Variants in SCD5 observed in about 807,000 individuals in gnomAD.
SCD5 encodes acyl-CoA-desaturase 4.
Under a neutral mutation model 30.4 loss-of-function variants are expected in SCD5, and 20 were observed. That is an observed-to-expected ratio of 0.66 (90% confidence interval 0.46 to 0.96). SCD5 has a LOEUF of 0.96. Among genes scored for constraint, SCD5 ranks in the 40% least tolerant of loss-of-function variants. The pLI is 0.00. For synonymous variants in SCD5, 173 were observed against 176.4 expected, an observed-to-expected ratio of 0.98 and a Z score of 0.16; for missense variants, 381 against 443.3, an observed-to-expected ratio of 0.86 and a Z score of 1.26.
intron 2 of SCD5, among the ~76,000 whole-genome samples, chr4:82,693,242 C>G (rs142773661): frequency 7.2e-5 from 11 of 152,322 alleles, no homozygotes; most frequent in Non-Finnish European, 1.6e-4. Flanking sequence ...TGCCTTTGAC[C>G]TTGCCCAGCA....
At chr4:82,705,565 C>CT (rs1719952697) in intron 1 of SCD5, 152 bp from the exon 2 acceptor site, 2 of 1,097,442 alleles carry the variant, frequency 1.8e-6, no homozygotes, top group African/African-American at 3.2e-5. Flanking sequence ...AGGAGGCAGC[C>CT]TTTTTATTGA....
chr4:82,726,246 C>T (rs1416518677), intron 1 of SCD5, among the ~76,000 whole-genome samples: 13 of 151,912 alleles, frequency 8.6e-5, no homozygotes, highest in Admixed American at 8.5e-4. Flanking sequence ...GGAGAAACCC[C>T]ATCTCTACTA....
intron 1 of SCD5, among the ~76,000 whole-genome samples, chr4:82,719,116 G>C (rs1375363508): frequency 2.6e-5 from 4 of 151,700 alleles, no homozygotes; most frequent in Non-Finnish European, 5.9e-5. Context: ...ATTAAAAATA[G>C]GGAATTTCAA....
At chr4:82,747,346 G>C (rs549570554) in intron 1 of SCD5, among the ~76,000 whole-genome samples, 14 of 152,316 alleles carry the variant, frequency 9.2e-5, no homozygotes, top group African/African-American at 3.1e-4. Context: ...GCCTGCCTGA[G>C]TCTCACAGTT....
At chr4:82,653,707 T>TAGATAGATAGATAGATAGAGAGATATAG (rs34976357) in intron 3 of SCD5, among the ~76,000 whole-genome samples, 1 of 61,630 alleles carries the variant, frequency 1.6e-5, no homozygotes, top group South Asian at 5.1e-4. Flanking sequence ...GATAGATAGA[T>TAGATAGATAGATAGATAGAGAGATATAG]ATAGATAGAT....
At chr4:82,786,137 A>G (rs1430531507) in intron 1 of SCD5, among the ~76,000 whole-genome samples, 1 of 152,202 alleles carries the variant, frequency 6.6e-6, no homozygotes, top group Admixed American at 6.5e-5. Flanking sequence ...TACTGGGGGA[A>G]ATTACAGCTG....
intron 3 of SCD5, among the ~76,000 whole-genome samples, chr4:82,678,576 G>T (rs921184044): frequency 6.6e-6 from 1 of 152,166 alleles, no homozygotes; most frequent in African/African-American, 2.4e-5. Context: ...AATTGGAAAT[G>T]ACATACATAG....
intron 3 of SCD5, among the ~76,000 whole-genome samples, chr4:82,679,156 G>A (rs1457231123): frequency 2.0e-5 from 3 of 147,780 alleles, no homozygotes; most frequent in Non-Finnish European, 3.0e-5. Context: ...CCGAGATCAC[G>A]CCACTGCACT....
chr4:82,798,572 GC>G lies in SCD5; in HGVS notation c.-36del, dbSNP rs1290954435. On this transcript the variant is annotated 5_prime_UTR_variant, in exon 1 of 5. Transcript: ENST00000319540. ...AGGTGGGCGCCCGCAGCAGCGGCAGGCAGGCAGGCGCTCTGCCCGAGCGGAG... is the reference window on the plus strand; with the variant it reads ...AGGTGGGCGCCCGCAGCAGCGGCAGGAGGCAGGCGCTCTGCCCGAGCGGAG... 1.3e-6 allele frequency: 2 copies of G among 1,523,920 alleles called. No individual in the cohort carries two copies. The highest frequency in any genetic ancestry group is 4.8e-5 in the East Asian group (2 of 41,432). 94.4% of individuals were successfully genotyped at this position (1,523,920 alleles called of 1,614,324 possible).
At chr4:82,710,916 T>C (rs73829970) in intron 1 of SCD5, among the ~76,000 whole-genome samples, 4,671 of 150,736 alleles carry the variant, frequency 0.031, 250 homozygotes, top group African/African-American at 0.11. Flanking sequence ...GAGAGAGAAG[T>C]GCATATATGT....
intron 1 of SCD5, among the ~76,000 whole-genome samples, chr4:82,766,344 C>T (rs1560557620): frequency 6.6e-6 from 1 of 152,176 alleles, no homozygotes; most frequent in Non-Finnish European, 1.5e-5. Context: ...TTCAAATTCA[C>T]TAATTTATTT....
intron 1 of SCD5, among the ~76,000 whole-genome samples, chr4:82,746,003 A>G (rs1720974591): frequency 6.6e-6 from 1 of 152,208 alleles, no homozygotes; most frequent in Non-Finnish European, 1.5e-5. Flanking sequence ...AGGTTGTTCT[A>G]AAAATTAAAT....
intron 3 of SCD5, among the ~76,000 whole-genome samples, chr4:82,658,263 C>T (rs1240005575): frequency 6.6e-6 from 1 of 152,100 alleles, no homozygotes; most frequent in East Asian, 1.9e-4. Flanking sequence ...TTTTGAAATA[C>T]ATTCCATCAA....
At chr4:82,652,272 A>G (rs1259202374) in intron 3 of SCD5, among the ~76,000 whole-genome samples, 2 of 152,216 alleles carry the variant, frequency 1.3e-5, no homozygotes, top group African/African-American at 2.4e-5. Flanking sequence ...CCCAAGAGGA[A>G]GTTGTTAAAA....
intron 1 of SCD5, among the ~76,000 whole-genome samples, chr4:82,741,401 A>ATTGTCACCT (rs1251890429): frequency 1.3e-5 from 2 of 152,138 alleles, no homozygotes; most frequent in African/African-American, 2.4e-5. Flanking sequence ...AAAGGAAACC[A>ATTGTCACCT]TTGTCACCTA....
At chr4:82,686,648 C>A (rs531863371) in intron 2 of SCD5, among the ~76,000 whole-genome samples, 1 of 151,756 alleles carries the variant, frequency 6.6e-6, no homozygotes, top group Admixed American at 6.6e-5. Flanking sequence ...TATACATATA[C>A]AATAAAAGCT....
chr4:82,648,895 T>A (rs1210154790), intron 3 of SCD5, among the ~76,000 whole-genome samples: 1 of 152,156 alleles, frequency 6.6e-6, no homozygotes, highest in Non-Finnish European at 1.5e-5. Flanking sequence ...TGACATTGAT[T>A]CGAAGATCTC....
chr4:82,658,280 G>A (rs1377117504), intron 3 of SCD5, among the ~76,000 whole-genome samples: 3 of 152,040 alleles, frequency 2.0e-5, no homozygotes, highest in Non-Finnish European at 2.9e-5. Flanking sequence ...TCAATACCTA[G>A]TTTATTGAGA....
intron 1 of SCD5, among the ~76,000 whole-genome samples, chr4:82,731,316 G>C (rs1339734482): frequency 6.6e-6 from 1 of 152,178 alleles, no homozygotes; most frequent in South Asian, 2.1e-4. Context: ...GCCTGGCTAG[G>C]ACAGCCTTGG....
Sources: gnomAD v4.1 joint callset for allele counts (sites outside exome capture counted in the v4.1 genomes callset) on GRCh38, gnomAD v4.1.1 for gene constraint, MANE v1.5 for transcripts, NCBI Gene and HGNC (gene_info 2026-07-23, HGNC 2026-07-21) for gene names.